ASAH1: variants seen among roughly 807,000 people sequenced by gnomAD.
The protein encoded by ASAH1 is acid ceramidase.
Under a neutral mutation model 59.5 loss-of-function variants are expected in ASAH1, and 70 were observed. That is an observed-to-expected ratio of 1.18 (90% confidence interval 0.97 to 1.43). The LOEUF is 1.43. Ranked by LOEUF, ASAH1 falls within the 40% of genes most tolerant of loss-of-function variation. ASAH1 has a pLI of 0.00. For missense variants in ASAH1, 660 were observed against 482.5 expected, an observed-to-expected ratio of 1.37 and a Z score of -3.45; for synonymous variants, 213 against 166.5, an observed-to-expected ratio of 1.28 and a Z score of -2.15.
In ASAH1 at chr8:18,061,544, C is replaced by T. The variant is rs575224582; in HGVS notation, c.704-86G>A. ...ACCCGGAAGAGGCTGGACTATATAACCAGTCAGGAACCAGAAGAGGTTAGA... is the reference window on the plus strand; with the variant it reads ...ACCCGGAAGAGGCTGGACTATATAATCAGTCAGGAACCAGAAGAGGTTAGA... On this transcript the variant is annotated intron_variant, in intron 9 of 13. Transcript: ENST00000637790. 4.6e-5 allele frequency: 66 copies of T among 1,443,980 alleles called. 1 individual carries two copies. In the South Asian group the frequency reaches 6.8e-4, roughly 15 times the overall value. 89.4% of individuals were successfully genotyped at this position (1,443,980 alleles called of 1,614,324 possible).
At chr8:18,061,236 C>A in intron 10 of ASAH1, 141 bp downstream of exon 10, 1 of 684,882 alleles carries the variant, frequency 1.5e-6, no homozygotes, top group Admixed American at 2.4e-5. Flanking sequence ...ATGAGTAATT[C>A]CACATGAGTG....
Position 18,061,762 on chromosome 8 carries a change from G to T in ASAH1, c.649-22C>A, listed in dbSNP as rs367731158. On this transcript the variant is annotated intron_variant, in intron 8 of 13. Coordinates refer to ENST00000637790, the MANE Select transcript of ASAH1 (RefSeq NM_177924.5). ...GTCCCTGAGAAAAAGACAAAGCAAC[G>T]AAGTCAGAAACATCAACCATGCGCT... 10 of 1,559,120 alleles carry T rather than the reference G, an allele frequency of 6.4e-6. No homozygotes were observed. The South Asian group carries it at 1.1e-4, about 17-fold the overall frequency.
rs991913576 is a variant in ASAH1 at position 18,059,232 on chromosome 8, A to G, written c.1041+109T>C. The G allele has an allele frequency of 7.7e-6, 12 of 1,549,102 alleles. No individual in the cohort carries two copies. The African/African-American group carries it at 1.6e-4, about 21-fold the overall frequency. On this transcript the variant is annotated intron_variant, in intron 12 of 13. Coordinates refer to ENST00000637790, the MANE Select transcript of ASAH1 (RefSeq NM_177924.5). ...TCAGTGGAGAGTGGCTAGAGATACT[A>G]TGAAAAATAGGACGTTTATAAATTA...
chr8:18,061,306 C>G (rs568455593), intron 10 of ASAH1, 71 bp downstream of exon 10: 1 of 1,325,142 alleles, frequency 7.5e-7, no homozygotes, highest in Admixed American at 2.0e-5. Context: ...TGGAGCTTGA[C>G]AAATATTTTT....
In ASAH1 at chr8:18,071,727, T is replaced by C. The variant is rs141298479; in HGVS notation, c.126-337A>G. Among the ~76,000 whole-genome samples, 169 of 152,164 alleles carry C rather than the reference T, an allele frequency of 1.1e-3. 2 individuals are homozygous for C. The East Asian group carries it at 0.027, about 25-fold the overall frequency. ...CCATTTTTTTTTTCTCCTAAATATC[T>C]GCAAAGATTTAGTCTGGGCTCTAGA... On this transcript the variant is annotated intron_variant, in intron 2 of 13. Coordinates refer to ENST00000637790, the MANE Select transcript of ASAH1 (RefSeq NM_177924.5).
upstream of ASAH1, chr8:18,084,752 G>A: frequency 1.2e-6 from 2 of 1,613,782 alleles, no homozygotes; most frequent in East Asian, 2.2e-5. Flanking sequence ...TGGGTAGGAG[G>A]CCCGGTGGGA....
Position 18,084,075 on chromosome 8 carries a change from G to A in ASAH1, c.-17C>T, listed in dbSNP as rs753870462. On this transcript the variant is annotated 5_prime_UTR_variant, in exon 1 of 14. Coordinates refer to ENST00000637790, the MANE Select transcript of ASAH1 (RefSeq NM_177924.5). ...GCCCGGCATCGCTCTAGCAGCCAACGCCACTCCCCGGACTCCAGCAGAGGC... is the reference window on the plus strand; with the variant it reads ...GCCCGGCATCGCTCTAGCAGCCAACACCACTCCCCGGACTCCAGCAGAGGC... 2.5e-6 allele frequency: 4 copies of A among 1,598,212 alleles called. No homozygotes were observed. The highest frequency in any genetic ancestry group is 2.2e-5 in the South Asian group (2 of 91,050).
At position 18,076,722 on chromosome 8, in the gene ASAH1, C is replaced by T. The variant is rs991636176; in HGVS notation, c.79-1135G>A. ...GCTTGAGCTCAGAAAACTCCTGGAACTGTAGCTTGAGCTCAGAAAACTCCT... is the reference window on the plus strand; with the variant it reads ...GCTTGAGCTCAGAAAACTCCTGGAATTGTAGCTTGAGCTCAGAAAACTCCT... On this transcript the variant is annotated intron_variant, in intron 1 of 13. Coordinates refer to ENST00000637790, the MANE Select transcript of ASAH1 (RefSeq NM_177924.5). 3.9e-5 allele frequency: 6 copies of T among 152,166 alleles called. 1 individual carries two copies. The highest frequency in any genetic ancestry group is 7.2e-5 in the African/African-American group (3 of 41,432). 9.4% of individuals were successfully genotyped at this position (152,166 alleles called of 1,614,324 possible).
At chr8:18,079,836 G>C (rs1589005717) in intron 1 of ASAH1, among the ~76,000 whole-genome samples, 1 of 152,188 alleles carries the variant, frequency 6.6e-6, no homozygotes, top group East Asian at 1.9e-4. Flanking sequence ...AATACAAAGA[G>C]GCATGTTTCC....
chr8:18,073,677 G>A (rs1314508699), intron 2 of ASAH1, among the ~76,000 whole-genome samples: 4 of 152,138 alleles, frequency 2.6e-5, no homozygotes, highest in Non-Finnish European at 5.9e-5. Flanking sequence ...CCTCATATCT[G>A]CCCATGGATG....
chr8:18,084,081 C>G lies in ASAH1; in HGVS notation c.-23G>C, dbSNP rs750505676. 25 of 1,598,028 alleles carry G rather than the reference C, an allele frequency of 1.6e-5. No individual in the cohort carries two copies. Among genetic ancestry groups the G allele is most frequent in the Non-Finnish European group, 2.0e-5 (24 of 1,179,558 alleles). On this transcript the variant is annotated 5_prime_UTR_variant, in exon 1 of 14. Transcript: ENST00000637790. Reference sequence around the variant, plus strand: ...CATCGCTCTAGCAGCCAACGCCACTCCCCGGACTCCAGCAGAGGCAAAGAA... The same window carrying G: ...CATCGCTCTAGCAGCCAACGCCACTGCCCGGACTCCAGCAGAGGCAAAGAA...
In ASAH1 at chr8:18,059,381, C is replaced by G. The variant is rs1218130308; in HGVS notation, c.1001G>C (p.Arg334Thr). The G allele has an allele frequency of 1.2e-6, 2 of 1,614,080 alleles. No individual in the cohort carries two copies. Among genetic ancestry groups the G allele is most frequent in the East Asian group, 2.2e-5 (1 of 44,898 alleles). The change falls in exon 12 of 14, where the codon AGA becomes ACA. Residue 334 changes from arginine (R) to threonine (T), a missense_variant. Physicochemically the swap from Arg to Thr is moderately conservative, Grantham distance 71. Transcript: ENST00000637790. ...GTTCAGACACATCTTTGCAGGCGTT[C>G]TGCGATCATCAAGGAAGAAGGGATG... ...WKHPFFLDDR[R>T]TPAKMCLNRT...
rs533489090 is a variant in ASAH1, at chr8:18,066,932, A to T, written c.382+288T>A. The T allele has an allele frequency of 6.9e-5, 26 of 374,772 alleles. No homozygotes were observed. The South Asian group carries it at 2.7e-3, about 40-fold the overall frequency. The allele number at this position is 374,772 out of a possible 1,614,324, so 23.2% of individuals were successfully genotyped here. A position where few individuals can be genotyped will look rare whatever the true frequency, so the allele number is the denominator to read the frequency against. On this transcript the variant is annotated intron_variant, in intron 5 of 13. Coordinates refer to ENST00000637790, the MANE Select transcript of ASAH1 (RefSeq NM_177924.5). ...ACAAAGTTCACGAAGAGGCAAAACT[A>T]ATCTATAGTGACATCAGAATAGTGT...
At position 18,059,385 on chromosome 8, in the gene ASAH1, GATC is replaced by G. The variant is rs1564535453; in HGVS notation, c.994_996del (p.Asp332del). 3.1e-6 allele frequency: 5 copies of G among 1,614,174 alleles called. No homozygotes were observed. The highest frequency in any genetic ancestry group is 2.2e-5 in the South Asian group (2 of 91,088). ...AGACACATCTTTGCAGGCGTTCTGC[GATC>G]ATCAAGGAAGAAGGGATGTTTCCAA... On this transcript the variant is annotated inframe_deletion, in exon 12 of 14. Coordinates refer to ENST00000637790, the MANE Select transcript of ASAH1 (RefSeq NM_177924.5).
At chr8:18,083,124 A>T (rs1260577091) in intron 1 of ASAH1, 2 of 152,192 alleles carry the variant, frequency 1.3e-5, no homozygotes, top group Non-Finnish European at 2.9e-5. Flanking sequence ...TAACCTACCT[A>T]AACTATTCAA....
At chr8:18,064,610 G>A (rs1394203912) in intron 5 of ASAH1, 79 bp from the exon 6 acceptor site, 1 of 859,612 alleles carries the variant, frequency 1.2e-6, no homozygotes, top group East Asian at 2.6e-5. Flanking sequence ...AAAAGTTTCA[G>A]TGTTTTCATT....
upstream of ASAH1, chr8:18,084,270 A>C (rs188326196): frequency 9.0e-6 from 13 of 1,444,678 alleles, no homozygotes; most frequent in East Asian, 2.0e-4. Context: ...AGAAAGAGAG[A>C]GAGCCTTCCA....
At chr8:18,083,837 C>G in intron 1 of ASAH1, 144 bp downstream of exon 1, 5 of 1,488,658 alleles carry the variant, frequency 3.4e-6, no homozygotes, top group Non-Finnish European at 4.5e-6. Flanking sequence ...GCACCCACAC[C>G]CCTGTGCACG....
chr8:18,069,510 T>A (rs1800069204), intron 4 of ASAH1: 1 of 343,734 alleles, frequency 2.9e-6, no homozygotes. Context: ...GTGAACTCAC[T>A]ACATAAAGGG....
Sources: allele counts gnomAD v4.1 joint callset (sites outside exome capture counted in the v4.1 genomes callset), GRCh38; gene constraint gnomAD v4.1.1; transcripts MANE v1.5; gene names NCBI Gene and HGNC (gene_info 2026-07-23, HGNC 2026-07-21).